DENND4C: variants seen among roughly 807,000 people sequenced by gnomAD.
DENND4C encodes the protein DENN domain containing 4C, also known as DENN domain-containing protein 4C.
A neutral mutation model predicts 203.0 loss-of-function variants in DENND4C; 108 were observed. The observed-to-expected ratio is 0.53, with a 90% confidence interval of 0.46 to 0.62. The LOEUF (loss-of-function observed/expected upper bound fraction) is 0.62, where lower values mean the gene tolerates loss of function less well. DENND4C is among the 20% of genes least tolerant of loss of function. DENND4C has a pLI of 0.00. For missense variants in DENND4C, 2,481 were observed against 2,301.2 expected (o/e 1.08, Z -1.60); for synonymous variants, 871 against 792.4 (o/e 1.10, Z -1.67).
intron 7 of DENND4C, among the ~76,000 whole-genome samples, chr9:19,298,420 T>C (rs1295797139): frequency 1.3e-5 from 2 of 152,208 alleles, no homozygotes; most frequent in African/African-American, 4.8e-5. Context: ...GGGCATGTTT[T>C]TAATACCAGA....
intron 24 of DENND4C, 84 bp from the exon 25 acceptor site, chr9:19,351,989 G>A (rs1420404918): frequency 3.8e-6 from 4 of 1,065,822 alleles, no homozygotes; most frequent in Non-Finnish European, 1.4e-6. Context: ...TTTATTCTGT[G>A]TCCCCCCTAA....
At position 19,324,523 on chromosome 9, in the gene DENND4C, T is replaced by C. The variant is rs1563804237; in HGVS notation, c.1953+16T>C. On this transcript the variant is annotated intron_variant, in intron 13 of 32. Coordinates refer to ENST00000434457, the MANE Select transcript of DENND4C (RefSeq NM_001330640.2). Reference sequence around the variant, plus strand: ...CATAGAAAAGGTAAAAGTTTGTACTTATACTAGTGTTTAGAAAAAAAAGTT... The same window carrying C: ...CATAGAAAAGGTAAAAGTTTGTACTCATACTAGTGTTTAGAAAAAAAAGTT... 1.4e-5 allele frequency: 22 copies of C among 1,591,340 alleles called. No homozygotes were observed. Among genetic ancestry groups the C allele is most frequent in the Non-Finnish European group, 1.8e-5 (21 of 1,174,798 alleles).
chr9:19,351,477 A>G (rs1478978287), intron 24 of DENND4C, among the ~76,000 whole-genome samples: 1 of 152,088 alleles, frequency 6.6e-6, no homozygotes, highest in Non-Finnish European at 1.5e-5. Context: ...TAAAATTATA[A>G]TTCGGTTCTT....
rs751980044 is a variant in DENND4C, at chr9:19,300,245, C to G, written c.1225C>G (p.Leu409Val). ...GGGTCCTGAGAATTGTGCAACACTGCTGCTCTTTGTTTTACTTGAGAGTAA... is the reference window on the plus strand; with the variant it reads ...GGGTCCTGAGAATTGTGCAACACTGGTGCTCTTTGTTTTACTTGAGAGTAA... ...NLGPENCATL[L>V]LFVLLESKIL... The change falls in exon 9 of 33, where the codon CTG (leucine) becomes GTG (valine). Residue 409 changes from leucine to valine, a missense_variant. Around this residue, in one of 3 missense-constraint regions of DENND4C, gnomAD observed 2,289 missense variants for 2,113.3 expected, o/e 1.08. Transcript: ENST00000434457. 6.2e-7 allele frequency: 1 copy of G among 1,613,116 alleles called. No homozygotes were observed. Among genetic ancestry groups the G allele is most frequent in the Non-Finnish European group, 8.5e-7 (1 of 1,179,274 alleles).
In DENND4C at chr9:19,373,227, G is replaced by GT. The variant is rs1318205355; in HGVS notation, c.*1058dup. On this transcript the variant is annotated 3_prime_UTR_variant, in exon 33 of 33. Coordinates refer to ENST00000434457, the MANE Select transcript of DENND4C (RefSeq NM_001330640.2). ...TATTATGTATTATCTTGCTTAATGG[G>GT]TTTTATCTTGATTATCCAGTTACTT... 1 of 152,116 alleles carries GT rather than the reference G, an allele frequency of 6.6e-6. No individual in the cohort carries two copies. Among genetic ancestry groups the GT allele is most frequent in the Non-Finnish European group, 1.5e-5 (1 of 68,012 alleles). The allele number at this position is 152,116 out of a possible 1,614,324, so 9.4% of individuals were successfully genotyped here.
Position 19,358,279 on chromosome 9 carries a change from C to A in DENND4C, c.5160+119C>A. On this transcript the variant is annotated intron_variant, in intron 28 of 32. Coordinates refer to ENST00000434457, the MANE Select transcript of DENND4C (RefSeq NM_001330640.2). This position sits in a 1 kb window ranked among gnomAD's most constrained non-coding sequence, Gnocchi z 4.8. Reference sequence around the variant, plus strand: ...TTACATGAAAAGTGATAGAGTTTTTCCATAAACAAATAACTTTTTATTGTG... The same window carrying A: ...TTACATGAAAAGTGATAGAGTTTTTACATAAACAAATAACTTTTTATTGTG... 1 of 819,608 alleles carries A rather than the reference C, an allele frequency of 1.2e-6. No individual in the cohort carries two copies. Among genetic ancestry groups the A allele is most frequent in the Non-Finnish European group, 1.7e-6 (1 of 572,894 alleles). 50.8% of individuals were successfully genotyped at this position (819,608 alleles called of 1,614,324 possible).
At chr9:19,247,892 C>T (rs1021661618) in intron 1 of DENND4C, among the ~76,000 whole-genome samples, 12 of 152,316 alleles carry the variant, frequency 7.9e-5, no homozygotes, top group Admixed American at 5.9e-4. Flanking sequence ...CCTTTTACTT[C>T]CAATCCACCA....
chr9:19,235,109 C>T (rs1302237105), intron 1 of DENND4C, among the ~76,000 whole-genome samples: 3 of 151,922 alleles, frequency 2.0e-5, no homozygotes, highest in Non-Finnish European at 2.9e-5. Context: ...GGATTACAGA[C>T]GCCTGCCACC....
intron 20 of DENND4C, 114 bp downstream of exon 20, chr9:19,336,946 T>C: frequency 2.0e-6 from 2 of 999,122 alleles, no homozygotes; most frequent in Middle Eastern, 3.2e-4. Flanking sequence ...TTAAAAGTAC[T>C]GTATGCTTAC....
chr9:19,231,762 CTT>C (rs764973704), intron 1 of DENND4C, among the ~76,000 whole-genome samples: 1 of 151,894 alleles, frequency 6.6e-6, no homozygotes, highest in Non-Finnish European at 1.5e-5. Flanking sequence ...TCAGCTGTCT[CTT>C]TGTGCCTCCG....
At chr9:19,314,218 G>A (rs964586641) in intron 10 of DENND4C, among the ~76,000 whole-genome samples, 4 of 152,152 alleles carry the variant, frequency 2.6e-5, no homozygotes, top group Non-Finnish European at 4.4e-5. Flanking sequence ...ACCTTGGGAG[G>A]CTGATGCAGG....
intron 1 of DENND4C, among the ~76,000 whole-genome samples, chr9:19,251,462 CCT>C (rs1826573971): frequency 6.6e-6 from 1 of 152,184 alleles, no homozygotes; most frequent in Non-Finnish European, 1.5e-5. Context: ...ACATTTTCCC[CCT>C]CTGTCTTGGG....
In DENND4C at chr9:19,326,109, G is replaced by A. The variant is rs1349678230; in HGVS notation, c.2035G>A (p.Asp679Asn). The change falls in exon 15 of 33, where the codon GAT becomes AAT. Residue 679 changes from aspartate to asparagine, a missense_variant. Coordinates refer to ENST00000434457, the MANE Select transcript of DENND4C (RefSeq NM_001330640.2). ...AGATACCAGATTGATAGAACTAGAT[G>A]ATTCACAGAAAAGTGAGCATACTGT... Reference protein sequence around the residue: ...AEDTRLIELDDSQKSEHTVFI... With the variant: ...AEDTRLIELDNSQKSEHTVFI... The A allele has an allele frequency of 1.2e-6, 2 of 1,613,054 alleles. No individual in the cohort carries two copies. The highest frequency in any genetic ancestry group is 1.1e-5 in the South Asian group (1 of 90,766).
intron 19 of DENND4C, 93 bp downstream of exon 19, chr9:19,336,507 T>G: frequency 6.8e-7 from 1 of 1,469,014 alleles, no homozygotes; most frequent in South Asian, 1.4e-5. Flanking sequence ...AAACTTAAAT[T>G]CCGGTAGACA....
intron 1 of DENND4C, among the ~76,000 whole-genome samples, chr9:19,266,026 G>A (rs1318353263): frequency 2.0e-5 from 3 of 152,104 alleles, no homozygotes; most frequent in African/African-American, 4.8e-5. Flanking sequence ...TTGAGGAATC[G>A]CCACACTGTC....
At chr9:19,361,728 C>G in intron 29 of DENND4C, 118 bp from the exon 30 acceptor site, 1 of 555,650 alleles carries the variant, frequency 1.8e-6, no homozygotes, top group East Asian at 3.1e-5. Context: ...AATTTTGATT[C>G]TGAATTTTAG....
At chr9:19,265,831 A>G (rs56389931) in intron 1 of DENND4C, among the ~76,000 whole-genome samples, 4,321 of 152,148 alleles carry the variant, frequency 0.028, 202 homozygotes, top group African/African-American at 0.096. Flanking sequence ...TATGTGCCAC[A>G]TTTTCTTAAT....
intron 1 of DENND4C, among the ~76,000 whole-genome samples, chr9:19,238,288 G>T (rs1388709545): frequency 6.6e-6 from 1 of 151,574 alleles, no homozygotes; most frequent in African/African-American, 2.4e-5. Context: ...CTCCATGTTG[G>T]TCAGGCTGGT....
intron 1 of DENND4C, among the ~76,000 whole-genome samples, chr9:19,251,995 C>T (rs769317769): frequency 5.3e-5 from 8 of 152,152 alleles, no homozygotes; most frequent in Non-Finnish European, 8.8e-5. Flanking sequence ...TCCACATTTT[C>T]GGATATCTTT....
Sources: gnomAD v4.1 joint callset for allele counts (sites outside exome capture counted in the v4.1 genomes callset) on GRCh38, gnomAD v4.1.1 for gene constraint, gnomAD v4.1.1 regional missense constraint, Gnocchi (gnomAD v3.1) non-coding constraint, MANE v1.5 for transcripts, NCBI Gene and HGNC (gene_info 2026-07-23, HGNC 2026-07-21) for gene names.